EYS: variants seen among roughly 807,000 people sequenced by gnomAD.
EYS encodes protein eyes shut homolog.
A neutral mutation model predicts 282.1 loss-of-function variants in EYS; 250 were observed. The ratio of observed to expected loss-of-function variants is 0.89; its 90% CI spans 0.80 to 0.98. The LOEUF (loss-of-function observed/expected upper bound fraction) is 0.98. EYS is among the 50% of genes least tolerant of loss of function. The probability of loss-of-function intolerance (pLI) is 0.00; values close to 1 mark genes in which losing one functional copy is unlikely to be tolerated. For missense variants in EYS, 4,016 were observed against 3,709.0 expected (o/e 1.08, Z -2.15); for synonymous variants, 1,355 against 1,282.9 (o/e 1.06, Z -1.20).
intron 1 of EYS, among the ~76,000 whole-genome samples, chr6:65,642,148 A>C (rs149122484): frequency 0.013 from 2,008 of 152,262 alleles, 34 homozygotes; most frequent in African/African-American, 0.045. Flanking sequence ...AAGCATGGCC[A>C]AAAAAGGATA....
intron 23 of EYS, among the ~76,000 whole-genome samples, chr6:64,619,205 G>A (rs1418078309): frequency 6.6e-6 from 1 of 152,014 alleles, no homozygotes; most frequent in Non-Finnish European, 1.5e-5. Context: ...TTTATATATT[G>A]TATCCTCTTC....
chr6:63,869,499 A>G (rs1348075485), intron 35 of EYS, among the ~76,000 whole-genome samples: 2 of 152,142 alleles, frequency 1.3e-5, no homozygotes, highest in Non-Finnish European at 2.9e-5. Context: ...TATCTTTTCC[A>G]TATCTCTGGC....
intron 12 of EYS, among the ~76,000 whole-genome samples, chr6:65,141,645 GTCTGTCTA>G (rs1258808387): frequency 3.0e-3 from 397 of 131,094 alleles, no homozygotes; most frequent in Middle Eastern, 7.8e-3. Flanking sequence ...CTGTCTGTCT[GTCTGTCTA>G]TCTATCTATC....
chr6:65,201,325 T>A (rs1055047941), intron 12 of EYS, among the ~76,000 whole-genome samples: 1 of 152,196 alleles, frequency 6.6e-6, no homozygotes, highest in Non-Finnish European at 1.5e-5. Flanking sequence ...ATGCTTTGTC[T>A]TTTACTAAAT....
At position 65,296,075 on chromosome 6, in the gene EYS, T is replaced by C. The variant is rs1274107268; in HGVS notation, c.1811A>G (p.Asn604Ser). 5 of 1,550,434 alleles carry C rather than the reference T, an allele frequency of 3.2e-6. No homozygotes were observed. Among genetic ancestry groups the C allele is most frequent in the African/African-American group, 1.4e-5 (1 of 72,980 alleles). Reference protein sequence around the residue: ...LSYIGRLCVVNVDYCLGNHSI... With the variant: ...LSYIGRLCVVSVDYCLGNHSI... The stretch of plus-strand genomic sequence containing the variant: ...GTGGTTCCCTAAGCAATAGTCAACA[T>C]TGACAACACACAATCTGCCAATGTA... Residue 604 changes from asparagine (N) to serine (S), a missense_variant, in exon 12 of 43, where the codon AAT (asparagine) becomes AGT (serine). Asn to Ser is a conservative substitution (Grantham distance 46). Transcript: ENST00000503581.
chr6:63,923,842 T>G (rs956369787), intron 35 of EYS, among the ~76,000 whole-genome samples: 1 of 152,196 alleles, frequency 6.6e-6, no homozygotes, highest in African/African-American at 2.4e-5. Context: ...GGCTTTCTGT[T>G]CCTGCATTAA....
intron 2 of EYS, among the ~76,000 whole-genome samples, chr6:65,620,469 G>A (rs1332473480): frequency 1.3e-5 from 2 of 151,458 alleles, no homozygotes; most frequent in Admixed American, 6.6e-5. Flanking sequence ...CTTGCTAGCA[G>A]TCTCTCAATT....
chr6:65,017,565 C>G (rs1297148451), intron 13 of EYS, among the ~76,000 whole-genome samples: 1 of 152,170 alleles, frequency 6.6e-6, no homozygotes. Flanking sequence ...CCAGTATCAG[C>G]TAAGCTGGAC....
At chr6:65,476,915 G>A (rs964997682) in intron 5 of EYS, among the ~76,000 whole-genome samples, 1 of 152,056 alleles carries the variant, frequency 6.6e-6, no homozygotes, top group Non-Finnish European at 1.5e-5. Flanking sequence ...ATTTGATTGG[G>A]TTATTAAGGT....
intron 36 of EYS, among the ~76,000 whole-genome samples, chr6:63,837,216 T>C (rs888846516): frequency 2.3e-4 from 35 of 152,132 alleles, no homozygotes; most frequent in Non-Finnish European, 4.7e-4. Flanking sequence ...ATGGTGACTT[T>C]GTTTTCTACA....
chr6:64,463,145 G>T (rs1351714104), intron 26 of EYS, among the ~76,000 whole-genome samples: 1 of 151,718 alleles, frequency 6.6e-6, no homozygotes, highest in Non-Finnish European at 1.5e-5. Flanking sequence ...TAGAGATGGG[G>T]TTTCACCGTG....
intron 33 of EYS, among the ~76,000 whole-genome samples, chr6:64,046,546 CT>C (rs70999132): frequency 0.23 from 32,940 of 146,200 alleles, 3,698 homozygotes; most frequent in Middle Eastern, 0.35. Flanking sequence ...AAGCTTTATT[CT>C]TTTTTTTTTT....
At chr6:64,814,251 TA>T in intron 21 of EYS, among the ~76,000 whole-genome samples, 1 of 152,096 alleles carries the variant, frequency 6.6e-6, no homozygotes, top group East Asian at 1.9e-4. Context: ...TTTTTAAGCT[TA>T]AAAATATTTT....
At chr6:64,816,947 A>C (rs1764756126) in intron 21 of EYS, among the ~76,000 whole-genome samples, 1 of 151,322 alleles carries the variant, frequency 6.6e-6, no homozygotes, top group South Asian at 2.1e-4. Context: ...AAGTAGAACA[A>C]TATATGGTAG....
chr6:64,118,570 A>G (rs1773467878), intron 31 of EYS, among the ~76,000 whole-genome samples: 1 of 152,152 alleles, frequency 6.6e-6, no homozygotes, highest in Non-Finnish European at 1.5e-5. Flanking sequence ...TGTCAGACCC[A>G]AAGCTATTAA....
At chr6:65,510,279 T>G (rs1766819713) in intron 2 of EYS, among the ~76,000 whole-genome samples, 1 of 150,492 alleles carries the variant, frequency 6.6e-6, no homozygotes, top group Non-Finnish European at 1.5e-5. Context: ...TGGTTTTTTG[T>G]TCTTGCGATA....
intron 19 of EYS, among the ~76,000 whole-genome samples, chr6:64,882,653 C>T (rs1209545500): frequency 6.6e-6 from 1 of 151,516 alleles, no homozygotes; most frequent in African/African-American, 2.4e-5. Flanking sequence ...AAACACTAAA[C>T]CCTTTGTGTT....
intron 22 of EYS, among the ~76,000 whole-genome samples, chr6:64,667,464 G>A (rs1769273010): frequency 1.3e-5 from 2 of 151,292 alleles, no homozygotes; most frequent in African/African-American, 4.8e-5. Flanking sequence ...TTGCTGGGAA[G>A]GACATTCTGT....
intron 12 of EYS, among the ~76,000 whole-genome samples, chr6:65,282,338 C>T (rs1768247059): frequency 6.6e-6 from 1 of 151,862 alleles, no homozygotes; most frequent in Non-Finnish European, 1.5e-5. Context: ...CTTTGTACAT[C>T]ATACATTTAT....
Sources: gnomAD v4.1 joint callset for allele counts (sites outside exome capture counted in the v4.1 genomes callset) on GRCh38, gnomAD v4.1.1 for gene constraint, MANE v1.5 for transcripts, NCBI Gene and HGNC (gene_info 2026-07-23, HGNC 2026-07-21) for gene names.